NUP43: variants seen among roughly 807,000 people sequenced by gnomAD.
NUP43 encodes nucleoporin Nup43.
Under a neutral mutation model 47.3 loss-of-function variants are expected in NUP43, and 32 were observed. The observed-to-expected ratio is 0.68, with a 90% CI of 0.51 to 0.91. NUP43 has a LOEUF of 0.91. Among genes scored for constraint, NUP43 ranks in the 40% least tolerant of loss-of-function variants. The pLI is 0.00. For synonymous variants in NUP43, 147 were observed against 158.4 expected (o/e 0.93, Z 0.54); for missense variants, 444 against 453.9 (o/e 0.98, Z 0.20).
chr6:149,730,163 C>A (rs1784960632), intron 7 of NUP43, among the ~76,000 whole-genome samples: 1 of 152,134 alleles, frequency 6.6e-6, no homozygotes, highest in African/African-American at 2.4e-5. Flanking sequence ...GCATGAGCCA[C>A]CACACCCGGC....
chr6:149,748,812 A>AC (rs2115178182), upstream of NUP43, among the ~76,000 whole-genome samples: 1 of 56,280 alleles, frequency 1.8e-5, no homozygotes, highest in South Asian at 5.6e-4. Context: ...CCGTCTCAAA[A>AC]AAAAAAAAAA....
upstream of NUP43, among the ~76,000 whole-genome samples, chr6:149,748,757 C>G (rs1208496405): frequency 7.0e-6 from 1 of 143,292 alleles, no homozygotes; most frequent in Non-Finnish European, 1.5e-5. Flanking sequence ...TGCAGTGAGC[C>G]GAGATCGCGC....
chr6:149,727,600 T>C lies in NUP43; in HGVS notation c.914-402A>G, dbSNP rs144076335. ...CTTGGGTAATAACAAAATAAAATGA[T>C]CATGAGAAAGAATTTCTAGACATAT... On this transcript the variant is annotated intron_variant, in intron 7 of 7. Transcript: ENST00000340413. 378 of 846,588 alleles carry C rather than the reference T, an allele frequency of 4.5e-4. No homozygotes were observed. The African/African-American group carries it at 6.6e-3, about 15-fold the overall frequency. 52.4% of individuals were successfully genotyped at this position (846,588 alleles called of 1,614,324 possible). A position where few individuals can be genotyped will look rare whatever the true frequency, so the allele number is the denominator to read the frequency against.
chr6:149,746,417 G>A lies in NUP43; in HGVS notation c.79C>T (p.Gln27Ter). Reference sequence around the variant, plus strand: ...CCTGTAGCGAACGTCTCCGCGGTCTGTAAACTTCCCGGAGGCAGCGGTCGC... The same window carrying A: ...CCTGTAGCGAACGTCTCCGCGGTCTATAAACTTCCCGGAGGCAGCGGTCGC... ...RWRPLPPGSL[Q>*]TAETFATGSW... The change falls in exon 1 of 8, where the codon CAG becomes TAG. Residue 27 changes from glutamine to a stop codon, truncating the protein, a stop_gained. Transcript: ENST00000340413. LOFTEE classifies it high-confidence loss of function. The A allele has an allele frequency of 6.2e-7, 1 of 1,614,184 alleles. No individual in the cohort carries two copies. The highest frequency in any genetic ancestry group is 8.5e-7 in the Non-Finnish European group (1 of 1,180,040).
rs776632093 is a variant in NUP43, at chr6:149,724,668, C to T, written c.*2301G>A. The T allele has an allele frequency of 1.3e-5, 2 of 152,216 alleles. No homozygotes were observed. Among genetic ancestry groups the T allele is most frequent in the Non-Finnish European group, 2.9e-5 (2 of 68,044 alleles). 9.4% of individuals were successfully genotyped at this position (152,216 alleles called of 1,614,324 possible). The stretch of plus-strand genomic sequence containing the variant: ...GCACGATCTTGGGTCACTGCAACCT[C>T]TGCCTCCCGGGTTTGAGCAATTCTC... On this transcript the variant is annotated 3_prime_UTR_variant, in exon 8 of 8. Coordinates refer to ENST00000340413, the MANE Select transcript of NUP43 (RefSeq NM_198887.3).
rs1183711612 is a variant in NUP43 at position 149,746,341 on chromosome 6, A to G, written c.120+35T>C. ...GGGGTCAGCTCAACCGGAGAGAGGG[A>G]GGAGGTAGGGGCTCGTCCCTATCAG... On this transcript the variant is annotated intron_variant, in intron 1 of 7. Coordinates refer to ENST00000340413, the MANE Select transcript of NUP43 (RefSeq NM_198887.3). 3 of 1,607,416 alleles carry G rather than the reference A, an allele frequency of 1.9e-6. No homozygotes were observed. In the East Asian group the frequency reaches 6.7e-5, roughly 36 times the overall value.
chr6:149,727,421 G>C, intron 7 of NUP43: 1 of 983,600 alleles, frequency 1.0e-6, no homozygotes, highest in Non-Finnish European at 1.2e-6. Context: ...TACCAAACTC[G>C]AAGTCTTCAG....
At position 149,727,033 on chromosome 6, in the gene NUP43, C is replaced by T. The variant is rs771125251; in HGVS notation, c.1079G>A (p.Gly360Asp). Residue 360 changes from glycine to aspartate, a missense_variant, in exon 8 of 8, where the codon GGT (glycine) becomes GAT (aspartate). Gly to Asp is a moderately conservative substitution (Grantham distance 94, BLOSUM62 -1). Transcript: ENST00000340413. ...ATCGGTTCCACAAACAAGACAAGGA[C>T]CTAAAACATCCAAAGTGTTCACAGA... is the stretch of plus-strand genomic sequence containing the variant. ...SLSVNTLDVL[G>D]PCLVCGTDAE... The T allele has an allele frequency of 6.2e-7, 1 of 1,614,042 alleles. No homozygotes were observed. The highest frequency in any genetic ancestry group is 8.5e-7 in the Non-Finnish European group (1 of 1,179,990).
chr6:149,745,939 C>T lies in NUP43; in HGVS notation c.243+1G>A, dbSNP rs1478302383. ...AGCTTTTGGATGCTACACAGATTTACCTGTAAATCCATTACATCACCATGG... is the reference window on the plus strand; with the variant it reads ...AGCTTTTGGATGCTACACAGATTTATCTGTAAATCCATTACATCACCATGG... On this transcript the variant is annotated splice_donor_variant, in intron 2 of 7. Coordinates refer to ENST00000340413, the MANE Select transcript of NUP43 (RefSeq NM_198887.3). LOFTEE classifies it high-confidence loss of function. 7 of 1,609,034 alleles carry T rather than the reference C, an allele frequency of 4.4e-6. No individual in the cohort carries two copies. Among genetic ancestry groups the T allele is most frequent in the Non-Finnish European group, 5.9e-6 (7 of 1,178,262 alleles).
At chr6:149,746,532 G>A (rs758314673), upstream of NUP43, 4 of 1,613,928 alleles carry the variant, frequency 2.5e-6, no homozygotes, top group Admixed American at 1.7e-5. Flanking sequence ...CAAAAAGCAA[G>A]CACAGTACGC....
chr6:149,725,408 G>C lies in NUP43; in HGVS notation c.*1561C>G, dbSNP rs1784758830. Reference sequence around the variant, plus strand: ...GTTCAAGACCAGCCTGGCCAACACAGTGAAACCCCATCTCTACTAAAAATA... The same window carrying C: ...GTTCAAGACCAGCCTGGCCAACACACTGAAACCCCATCTCTACTAAAAATA... On this transcript the variant is annotated 3_prime_UTR_variant, in exon 8 of 8. Coordinates refer to ENST00000340413, the MANE Select transcript of NUP43 (RefSeq NM_198887.3). 6.6e-6 allele frequency: 1 copy of C among 152,232 alleles called. No individual in the cohort carries two copies. The highest frequency in any genetic ancestry group is 2.4e-5 in the African/African-American group (1 of 41,442). 9.4% of individuals were successfully genotyped at this position (152,232 alleles called of 1,614,324 possible). A position where few individuals can be genotyped will look rare whatever the true frequency, so the allele number is the denominator to read the frequency against.
intron 3 of NUP43, among the ~76,000 whole-genome samples, chr6:149,743,382 C>CTGAG (rs1252257433): frequency 6.6e-6 from 1 of 151,634 alleles, no homozygotes; most frequent in Non-Finnish European, 1.5e-5. Context: ...GGCTGATCAC[C>CTGAG]TGAGGTCAGG....
rs188034533 is a variant in NUP43 at position 149,733,847 on chromosome 6, G to A, written c.791-2112C>T. Among the ~76,000 whole-genome samples the A allele has an allele frequency of 8.9e-4, 133 of 149,694 alleles. 2 individuals are homozygous for A. The highest frequency in any genetic ancestry group is 1.3e-3 in the Admixed American group (19 of 15,092). ...TTTTGTTTTGTTTTTTTTTTGAGAC[G>A]GAGTTTCACTCTTGTTGCCCAGGCT... On this transcript the variant is annotated intron_variant, in intron 6 of 7. Transcript: ENST00000340413.
At chr6:149,730,514 A>T (rs2115083280) in intron 7 of NUP43, among the ~76,000 whole-genome samples, 1 of 152,354 alleles carries the variant, frequency 6.6e-6, no homozygotes, top group East Asian at 1.9e-4. Flanking sequence ...TCAGCCATAC[A>T]GTAGTAAGTA....
intron 5 of NUP43, 30 bp downstream of exon 5, chr6:149,738,613 A>G (rs772131994): frequency 7.4e-6 from 11 of 1,487,790 alleles, no homozygotes; most frequent in Admixed American, 2.2e-5. Context: ...TTTGTGGATT[A>G]CATTACTGAA....
intron 2 of NUP43, among the ~76,000 whole-genome samples, chr6:149,744,067 A>G (rs1785824349): frequency 6.6e-6 from 1 of 151,794 alleles, no homozygotes; most frequent in African/African-American, 2.4e-5. Context: ...TGAGCTCAGG[A>G]GTTCAAGACC....
At chr6:149,732,823 C>G (rs1282718707) in intron 6 of NUP43, among the ~76,000 whole-genome samples, 4 of 151,960 alleles carry the variant, frequency 2.6e-5, no homozygotes, top group African/African-American at 4.8e-5. Context: ...CCAGCCTGGG[C>G]AAAAAGAGCA....
chr6:149,738,821 T>C, intron 4 of NUP43, 43 bp from the exon 5 acceptor site: 1 of 1,285,648 alleles, frequency 7.8e-7, no homozygotes, highest in East Asian at 2.7e-5. Flanking sequence ...TGAGTCCCCT[T>C]TTTTTCCCAA....
At chr6:149,732,735 A>T (rs1277829380) in intron 6 of NUP43, among the ~76,000 whole-genome samples, 1 of 151,788 alleles carries the variant, frequency 6.6e-6, no homozygotes, top group Non-Finnish European at 1.5e-5. Flanking sequence ...AATCCCAGCT[A>T]CTTGGGAGGG....
Sources: allele counts gnomAD v4.1 joint callset (sites outside exome capture counted in the v4.1 genomes callset), GRCh38; gene constraint gnomAD v4.1.1; transcripts MANE v1.5; gene names NCBI Gene and HGNC (gene_info 2026-07-23, HGNC 2026-07-21).